TSPAN15: variants seen among roughly 807,000 people sequenced by gnomAD.
TSPAN15 encodes tetraspanin 15.
In TSPAN15, 20 loss-of-function variants were observed where a neutral mutation model predicts 34.5. That is an observed-to-expected ratio of 0.58 (90% confidence interval 0.41 to 0.84). TSPAN15 has a LOEUF of 0.84. Among genes scored for constraint, TSPAN15 ranks in the 40% least tolerant of loss-of-function variants. TSPAN15 has a pLI of 0.00. For missense variants in TSPAN15, 313 were observed against 386.1 expected (o/e 0.81, Z 1.59); for synonymous variants, 155 against 153.9 (o/e 1.01, Z -0.05).
At chr10:69,460,061 TGAGATGAGAAC>T (rs1455021864) in intron 1 of TSPAN15, among the ~76,000 whole-genome samples, 1 of 133,240 alleles carries the variant, frequency 7.5e-6, no homozygotes, top group Non-Finnish European at 1.6e-5. Flanking sequence ...TGAGATGAGA[TGAGATGAGAAC>T]CTCTGGAATC....
At chr10:69,472,916 A>T (rs552990311) in intron 1 of TSPAN15, among the ~76,000 whole-genome samples, 1 of 152,320 alleles carries the variant, frequency 6.6e-6, no homozygotes, top group South Asian at 2.1e-4. Context: ...ACACATTTGC[A>T]TAGTACGTGC....
intron 5 of TSPAN15, among the ~76,000 whole-genome samples, chr10:69,499,053 C>T (rs1038481521): frequency 2.0e-5 from 3 of 152,216 alleles, no homozygotes; most frequent in East Asian, 1.9e-4. Context: ...CTCCCCAGCA[C>T]GATCCTCTCG....
chr10:69,518,322 TCTCACCCGAGTGCCTGC>T, the TSPAN15 span, among the ~76,000 whole-genome samples: 1 of 152,166 alleles, frequency 6.6e-6, no homozygotes, highest in African/African-American at 2.4e-5. Flanking sequence ...GTCACGGGTG[TCTCACCCGAGTGCCTGC>T]CATGCCCTCC....
rs1194276644 is a variant in TSPAN15 at position 69,504,341 on chromosome 10, CTG to C, written c.571-94_571-93del. On this transcript the variant is annotated intron_variant, in intron 5 of 7. Coordinates refer to ENST00000373290, the MANE Select transcript of TSPAN15 (RefSeq NM_012339.5). ...TCCATCCCTGCTGGACGGTGCAACTCTGTGCTTCGGTTTTCATCTGTAAAATG... is the reference window on the plus strand; with the variant it reads ...TCCATCCCTGCTGGACGGTGCAACTCTGCTTCGGTTTTCATCTGTAAAATG... The C allele has an allele frequency of 4.8e-6, 6 of 1,250,700 alleles. No homozygotes were observed. In the African/African-American group the frequency reaches 7.4e-5, roughly 15 times the overall value. The allele number at this position is 1,250,700 out of a possible 1,614,324, so 77.5% of individuals were successfully genotyped here.
At chr10:69,534,386 T>G in the TSPAN15 span, among the ~76,000 whole-genome samples, 4 of 152,194 alleles carry the variant, frequency 2.6e-5, no homozygotes, top group Non-Finnish European at 4.4e-5. Flanking sequence ...TGTTAACATA[T>G]AGATACTTGT....
At chr10:69,485,530 G>A (rs1056602140) in intron 3 of TSPAN15, among the ~76,000 whole-genome samples, 2 of 152,166 alleles carry the variant, frequency 1.3e-5, no homozygotes, top group Non-Finnish European at 2.9e-5. Flanking sequence ...TGGAGGCCAC[G>A]TGGCTGAGGG....
the TSPAN15 span, among the ~76,000 whole-genome samples, chr10:69,546,230 AG>A: frequency 6.6e-6 from 1 of 152,144 alleles, no homozygotes; most frequent in Non-Finnish European, 1.5e-5. Context: ...TTCTGCTGCC[AG>A]GGCAGTGTGT....
At chr10:69,523,697 T>G in the TSPAN15 span, 1 of 186,934 alleles carries the variant, frequency 5.3e-6, no homozygotes, top group Non-Finnish European at 1.1e-5. Flanking sequence ...CTTGACACCC[T>G]TTTGGAAACT....
Position 69,451,520 on chromosome 10 carries a change from G to A in TSPAN15, c.-75G>A. ...GCTGGTAGCCCGGCAGCCGCAGGTG[G>A]GGCCACGAGCGCTGGCTGAGGGACC... is the stretch of plus-strand genomic sequence containing the variant. On this transcript the variant is annotated 5_prime_UTR_variant, in exon 1 of 8. Coordinates refer to ENST00000373290, the MANE Select transcript of TSPAN15 (RefSeq NM_012339.5). The A allele has an allele frequency of 7.8e-7, 1 of 1,280,458 alleles. No homozygotes were observed. Among genetic ancestry groups the A allele is most frequent in the Non-Finnish European group, 9.9e-7 (1 of 1,011,444 alleles). 79.3% of individuals were successfully genotyped at this position (1,280,458 alleles called of 1,614,324 possible).
Position 69,504,446 on chromosome 10 carries a change from T to C in TSPAN15, c.579T>C (p.Val193=). ...ATACATTTCCATTTCAGACAGAAGT[T>C]GTCAACACCATGTGTGGCTACAAAA... ...YTCCIRNTTE[V]VNTMCGYKTI... The change falls in exon 6 of 8, where the codon GTT becomes GTC. Residue 193 remains valine, a synonymous_variant. Coordinates refer to ENST00000373290, the MANE Select transcript of TSPAN15 (RefSeq NM_012339.5). 1 of 1,614,046 alleles carries C rather than the reference T, an allele frequency of 6.2e-7. No homozygotes were observed. The highest frequency in any genetic ancestry group is 8.5e-7 in the Non-Finnish European group (1 of 1,179,870).
intron 3 of TSPAN15, among the ~76,000 whole-genome samples, chr10:69,491,483 C>T (rs1841967990): frequency 1.3e-5 from 2 of 152,272 alleles, no homozygotes; most frequent in East Asian, 1.9e-4. Context: ...CCACCTTAGC[C>T]TCCTGAGTAG....
chr10:69,537,233 G>A, the TSPAN15 span, among the ~76,000 whole-genome samples: 176 of 152,310 alleles, frequency 1.2e-3, no homozygotes, highest in Non-Finnish European at 7.5e-4. Flanking sequence ...ATGACCATGT[G>A]GCTGACTGGG....
intron 1 of TSPAN15, among the ~76,000 whole-genome samples, chr10:69,481,384 C>G (rs769783361): frequency 2.0e-5 from 3 of 152,202 alleles, no homozygotes; most frequent in Non-Finnish European, 2.9e-5. Context: ...TGAAACATAG[C>G]AGAGTACTGG....
chr10:69,519,239 C>A, the TSPAN15 span, among the ~76,000 whole-genome samples: 1 of 152,180 alleles, frequency 6.6e-6, no homozygotes, highest in South Asian at 2.1e-4. Context: ...CAATGGGAGA[C>A]CCTGTCTCTA....
chr10:69,473,183 A>G lies in TSPAN15; in HGVS notation c.97-10508A>G, dbSNP rs554748515. Among the ~76,000 whole-genome samples, 247 of 152,274 alleles carry G rather than the reference A, an allele frequency of 1.6e-3. 1 individual carries two copies. The highest frequency in any genetic ancestry group is 2.6e-3 in the Non-Finnish European group (174 of 68,020). On this transcript the variant is annotated intron_variant, in intron 1 of 7. Transcript: ENST00000373290. ...CATTTTGTTGTTGTTGTTTTTAGAC[A>G]GAATCTTGCTCTGTCACCCAGGCTG...
chr10:69,516,483 G>A, the TSPAN15 span, among the ~76,000 whole-genome samples: 1 of 152,212 alleles, frequency 6.6e-6, no homozygotes, highest in Non-Finnish European at 1.5e-5. Flanking sequence ...AGCTGCAGAG[G>A]GGCCTGGACT....
At chr10:69,451,711 C>G (rs1003764038) in intron 1 of TSPAN15, 21 bp downstream of exon 1, 2 of 1,444,680 alleles carry the variant, frequency 1.4e-6, no homozygotes, top group African/African-American at 2.9e-5. Flanking sequence ...CCAGTAGGGC[C>G]CGGGGATGGG....
chr10:69,477,578 C>T (rs1271695083), intron 1 of TSPAN15, among the ~76,000 whole-genome samples: 1 of 152,230 alleles, frequency 6.6e-6, no homozygotes, highest in East Asian at 1.9e-4. Context: ...GGTTCAGTTC[C>T]TCAGGCACCA....
the TSPAN15 span, among the ~76,000 whole-genome samples, chr10:69,517,327 G>A: frequency 1.5e-3 from 225 of 152,326 alleles, 1 homozygote; most frequent in African/African-American, 5.1e-3. Context: ...CTAAGCCTGC[G>A]CTTGAGGCAG....
Sources: gnomAD v4.1 joint callset for allele counts (sites outside exome capture counted in the v4.1 genomes callset) on GRCh38, gnomAD v4.1.1 for gene constraint, MANE v1.5 for transcripts, NCBI Gene and HGNC (gene_info 2026-07-23, HGNC 2026-07-21) for gene names.